Variants in TRNAU1AP observed in about 807,000 individuals in gnomAD.
TRNAU1AP encodes the protein tRNA selenocysteine 1-associated protein 1.
In TRNAU1AP, 33 loss-of-function variants were observed where a neutral mutation model predicts 43.3. That is an observed-to-expected ratio of 0.76 (90% CI 0.58 to 1.02). The LOEUF (loss-of-function observed/expected upper bound fraction) is 1.02. Ranked by LOEUF, TRNAU1AP falls within the 50% of genes least tolerant of loss-of-function variation. TRNAU1AP has a pLI of 0.00. For missense variants in TRNAU1AP, 290 were observed against 362.7 expected (o/e 0.80, Z 1.63); for synonymous variants, 143 against 129.1 (o/e 1.11, Z -0.73).
In TRNAU1AP at chr1:28,567,427, G is replaced by C; in HGVS notation, c.530+14G>C. The C allele has an allele frequency of 6.3e-7, 1 of 1,588,572 alleles. No homozygotes were observed. The highest frequency in any genetic ancestry group is 8.5e-7 in the Non-Finnish European group (1 of 1,173,058). The stretch of plus-strand genomic sequence containing the variant: ...AATCCCTAAAGCGTGAGTCCTGCAG[G>C]GAAGGTAGAGAGACTCTAGACTCCC... On this transcript the variant is annotated intron_variant, in intron 6 of 8. Coordinates refer to ENST00000373830, the MANE Select transcript of TRNAU1AP (RefSeq NM_017846.5).
chr1:28,556,715 G>A (rs554986365), intron 2 of TRNAU1AP, among the ~76,000 whole-genome samples: 4 of 151,710 alleles, frequency 2.6e-5, no homozygotes, highest in Admixed American at 1.3e-4. Flanking sequence ...ACGGAGTCTC[G>A]CTCTGTCACC....
chr1:28,553,766 A>T (rs1226537956), intron 2 of TRNAU1AP, 29 bp downstream of exon 2: 1 of 1,583,690 alleles, frequency 6.3e-7, no homozygotes, highest in Non-Finnish European at 8.7e-7. Flanking sequence ...CTCTCTTAAT[A>T]CATCTCGTTG....
intron 8 of TRNAU1AP, among the ~76,000 whole-genome samples, chr1:28,572,272 C>T (rs566595712): frequency 7.2e-5 from 11 of 152,266 alleles, no homozygotes; most frequent in African/African-American, 2.4e-4. Flanking sequence ...CAGTTCACCG[C>T]AACCTCCACC....
At position 28,560,725 on chromosome 1, in the gene TRNAU1AP, C is replaced by G; in HGVS notation, c.218C>G (p.Ala73Gly). 1 of 1,611,484 alleles carries G rather than the reference C, an allele frequency of 6.2e-7. No individual in the cohort carries two copies. The highest frequency in any genetic ancestry group is 1.7e-5 in the Admixed American group (1 of 59,974). ...ATTAATGGGAAACCCCTTCCAGGAGCCACACCTGTAAGGACATTTAGATAA... is the reference window on the plus strand; with the variant it reads ...ATTAATGGGAAACCCCTTCCAGGAGGCACACCTGTAAGGACATTTAGATAA... Reference protein sequence around the residue: ...HKINGKPLPGATPAKRFKLNY... With the variant: ...HKINGKPLPGGTPAKRFKLNY... Residue 73 changes from alanine to glycine, a missense_variant, in exon 3 of 9, where the codon GCC (alanine) becomes GGC (glycine). By Grantham distance (60) the Ala-to-Gly change is moderately conservative. This residue lies in a region of TRNAU1AP where 174 missense variants were observed against 262.1 expected (regional missense o/e 0.66). Coordinates refer to ENST00000373830, the MANE Select transcript of TRNAU1AP (RefSeq NM_017846.5).
chr1:28,556,366 A>T (rs1454423398), intron 2 of TRNAU1AP, among the ~76,000 whole-genome samples: 1 of 151,652 alleles, frequency 6.6e-6, no homozygotes, highest in African/African-American at 2.4e-5. Context: ...TGAGAGGCTG[A>T]GGAAGGAGAA....
chr1:28,576,413 G>A (rs1056605977), intron 8 of TRNAU1AP, among the ~76,000 whole-genome samples: 7 of 151,282 alleles, frequency 4.6e-5, no homozygotes, highest in Non-Finnish European at 1.0e-4. Context: ...CCGCCTCCCG[G>A]GTTCAAGCGA....
intron 2 of TRNAU1AP, among the ~76,000 whole-genome samples, chr1:28,555,517 C>T (rs1205854451): frequency 1.0e-4 from 15 of 143,854 alleles, no homozygotes; most frequent in Admixed American, 9.9e-4. Context: ...TTTTTTGAGA[C>T]GGAGTCTCGC....
At chr1:28,559,971 A>C (rs147721519) in intron 2 of TRNAU1AP, among the ~76,000 whole-genome samples, 150 of 152,094 alleles carry the variant, frequency 9.9e-4, no homozygotes, top group African/African-American at 3.2e-3. Flanking sequence ...ATCTCTACTA[A>C]AAATACAAAA....
chr1:28,567,294 G>A lies in TRNAU1AP; in HGVS notation c.411G>A (p.Lys137=). 6.2e-7 allele frequency: 1 copy of A among 1,609,386 alleles called. No homozygotes were observed. ...KVVLDQTGVS[K]GYGFVKFTDE... ...TAAATTGTATATTTTTTTCATGCAG[G>A]GGTTATGGTTTTGTGAAATTCACAG... The change falls in exon 6 of 9, where the codon AAG becomes AAA. Residue 137 remains lysine, a splice_region_variant and synonymous_variant. Coordinates refer to ENST00000373830, the MANE Select transcript of TRNAU1AP (RefSeq NM_017846.5).
chr1:28,577,658 G>C lies in TRNAU1AP; in HGVS notation c.*22G>C. The C allele has an allele frequency of 6.2e-7, 1 of 1,603,568 alleles. No homozygotes were observed. Among genetic ancestry groups the C allele is most frequent in the Non-Finnish European group, 8.5e-7 (1 of 1,175,114 alleles). On this transcript the variant is annotated 3_prime_UTR_variant, in exon 9 of 9. Coordinates refer to ENST00000373830, the MANE Select transcript of TRNAU1AP (RefSeq NM_017846.5). The stretch of plus-strand genomic sequence containing the variant: ...GTAGCCAGGCCAAAGGACAAGCCAG[G>C]TTGCATGATGTGAGGGAGATGAGAG...
rs1665187375 is a variant in TRNAU1AP, at chr1:28,553,742, G to GTA, written c.125+6_125+7insAT. The GTA allele has an allele frequency of 6.2e-7, 1 of 1,613,010 alleles. No homozygotes were observed. Among genetic ancestry groups the GTA allele is most frequent in the South Asian group, 1.1e-5 (1 of 91,058 alleles). On this transcript the variant is annotated splice_donor_region_variant and intron_variant, in intron 2 of 8. Transcript: ENST00000373830. ...TATCCGAAACCGCCTCACTGGGTAA[G>GTA]TCTCATCTCAGGTCTCTCTTAATAC...
intron 6 of TRNAU1AP, 34 bp from the exon 7 acceptor site, chr1:28,571,142 C>T: frequency 6.2e-7 from 1 of 1,608,502 alleles, no homozygotes; most frequent in Non-Finnish European, 8.5e-7. Flanking sequence ...GAAATGTTTG[C>T]TTACACTTAT....
In TRNAU1AP at chr1:28,577,760, A is replaced by G; in HGVS notation, c.*124A>G. Reference sequence around the variant, plus strand: ...TTAATAATGACTGTTTTTGGAGATCATGAATGTTTCTACAACACTGCTGCA... The same window carrying G: ...TTAATAATGACTGTTTTTGGAGATCGTGAATGTTTCTACAACACTGCTGCA... On this transcript the variant is annotated 3_prime_UTR_variant, in exon 9 of 9. Coordinates refer to ENST00000373830, the MANE Select transcript of TRNAU1AP (RefSeq NM_017846.5). The G allele has an allele frequency of 1.8e-6, 2 of 1,120,334 alleles. No individual in the cohort carries two copies. The highest frequency in any genetic ancestry group is 2.5e-5 in the East Asian group (1 of 40,628). 69.4% of individuals were successfully genotyped at this position (1,120,334 alleles called of 1,614,324 possible). A position where few individuals can be genotyped will look rare whatever the true frequency, so the allele number is the denominator to read the frequency against.
chr1:28,573,053 G>A (rs913055336), intron 8 of TRNAU1AP, among the ~76,000 whole-genome samples: 1 of 45,730 alleles, frequency 2.2e-5, no homozygotes, highest in East Asian at 5.2e-4. Context: ...TTTTTTTTTT[G>A]AGGCAGAGTC....
intron 4 of TRNAU1AP, 119 bp from the exon 5 acceptor site, chr1:28,564,584 G>T: frequency 8.1e-7 from 1 of 1,234,608 alleles, no homozygotes; most frequent in South Asian, 1.5e-5. Context: ...TGGTTAAGTA[G>T]ACCCATCAAA....
intron 2 of TRNAU1AP, among the ~76,000 whole-genome samples, chr1:28,559,964 T>G (rs1665368332): frequency 6.6e-6 from 1 of 152,060 alleles, no homozygotes; most frequent in African/African-American, 2.4e-5. Flanking sequence ...AAATCCCATC[T>G]CTACTAAAAA....
chr1:28,556,987 T>C (rs1221588629), intron 2 of TRNAU1AP, among the ~76,000 whole-genome samples: 1 of 151,722 alleles, frequency 6.6e-6, no homozygotes, highest in Non-Finnish European at 1.5e-5. Flanking sequence ...TAATTTTTTC[T>C]ATTTTTAGTA....
intron 2 of TRNAU1AP, among the ~76,000 whole-genome samples, chr1:28,559,999 G>A (rs1461314632): frequency 6.6e-6 from 1 of 152,112 alleles, no homozygotes; most frequent in Admixed American, 6.6e-5. Context: ...AGGCATGGTG[G>A]TGGGTACCTG....
chr1:28,561,908 TA>T lies in TRNAU1AP; in HGVS notation c.278+515del, dbSNP rs796920626. Among the ~76,000 whole-genome samples the T allele has an allele frequency of 8.5e-5, 13 of 152,196 alleles. 1 individual carries two copies. The South Asian group carries it at 2.7e-3, about 32-fold the overall frequency. Reference sequence around the variant, plus strand: ...TAACACGGTGAAACCCCGTCTCTACTAAAAATACAACAAATTAGCCGGGCGT... The same window carrying T: ...TAACACGGTGAAACCCCGTCTCTACTAAAATACAACAAATTAGCCGGGCGT... On this transcript the variant is annotated intron_variant, in intron 4 of 8. Transcript: ENST00000373830.
Sources: allele counts gnomAD v4.1 joint callset (sites outside exome capture counted in the v4.1 genomes callset), GRCh38; gene constraint gnomAD v4.1.1; regional missense constraint gnomAD v4.1.1; transcripts MANE v1.5; gene names NCBI Gene and HGNC (gene_info 2026-07-23, HGNC 2026-07-21).